PPP1R12B: variants seen among roughly 807,000 people sequenced by gnomAD.
PPP1R12B encodes the protein myosin phosphatase target subunit 2.
Under a neutral mutation model 126.1 loss-of-function variants are expected in PPP1R12B, and 76 were observed. The observed-to-expected ratio is 0.60, with a 90% CI of 0.50 to 0.73. The LOEUF (loss-of-function observed/expected upper bound fraction) is 0.73, where lower values mean the gene tolerates loss of function less well. Among genes scored for constraint, PPP1R12B ranks in the 30% least tolerant of loss-of-function variants. The pLI is 0.00. For missense variants in PPP1R12B, 1,052 were observed against 1,205.1 expected (o/e 0.87, Z 1.88); for synonymous variants, 356 against 434.7 (o/e 0.82, Z 2.25).
intron 6 of PPP1R12B, among the ~76,000 whole-genome samples, chr1:202,429,756 A>C (rs1669973738): frequency 6.6e-6 from 1 of 152,186 alleles, no homozygotes; most frequent in Non-Finnish European, 1.5e-5. Context: ...GCTGTCACTC[A>C]GGTAATGTAA....
rs1690047494 is a variant in PPP1R12B, at chr1:202,590,091, T to G, written c.*9531T>G. 6.6e-6 allele frequency: 1 copy of G among 152,200 alleles called. No individual in the cohort carries two copies. Among genetic ancestry groups the G allele is most frequent in the South Asian group, 2.1e-4 (1 of 4,832 alleles). The allele number at this position is 152,200 out of a possible 1,614,324, so 9.4% of individuals were successfully genotyped here. On this transcript the variant is annotated 3_prime_UTR_variant, in exon 24 of 24. Coordinates refer to ENST00000608999, the MANE Select transcript of PPP1R12B (RefSeq NM_002481.4). ...TATCCCTGGTCCCTAACATCTTTGC[T>G]TCAGAAGTTAAAGACATTTCAAGTT...
At chr1:202,489,275 A>T (rs1292750510) in intron 14 of PPP1R12B, among the ~76,000 whole-genome samples, 2 of 152,192 alleles carry the variant, frequency 1.3e-5, no homozygotes, top group Admixed American at 1.3e-4. Flanking sequence ...ACATCCCTAT[A>T]TCCCTACTAC....
chr1:202,437,058 A>G (rs529257999), intron 9 of PPP1R12B, among the ~76,000 whole-genome samples: 110 of 152,258 alleles, frequency 7.2e-4, no homozygotes, highest in Middle Eastern at 3.4e-3. Flanking sequence ...CTGGCAGGGC[A>G]TGGGTTCATG....
intron 20 of PPP1R12B, 38 bp downstream of exon 20, chr1:202,562,960 A>G: frequency 6.6e-7 from 1 of 1,519,298 alleles, no homozygotes. Context: ...CTTTGGTGAC[A>G]TGTAAACCTC....
intron 13 of PPP1R12B, among the ~76,000 whole-genome samples, chr1:202,467,761 A>G (rs1057293927): frequency 2.6e-5 from 4 of 152,210 alleles, no homozygotes; most frequent in Non-Finnish European, 5.9e-5. Context: ...GCTGGGTCAA[A>G]TGGTATTTCT....
At chr1:202,426,677 C>G (rs765512896) in intron 4 of PPP1R12B, among the ~76,000 whole-genome samples, 3 of 152,158 alleles carry the variant, frequency 2.0e-5, no homozygotes, top group Non-Finnish European at 4.4e-5. Flanking sequence ...TTATATGTTA[C>G]TTCTTCCCTG....
chr1:202,408,843 CTTTTTTTTTT>C lies in PPP1R12B; in HGVS notation c.292-7933_292-7924del, dbSNP rs35632865. ...TGCTTTCAATTATTATTATTTCTTT[CTTTTTTTTTT>C]TTTTTTTTTTGAGACAGGGTTTCAT... is the stretch of plus-strand genomic sequence containing the variant. On this transcript the variant is annotated intron_variant, in intron 1 of 23. Transcript: ENST00000608999. 4.2e-3 allele frequency among the ~76,000 whole-genome samples: 472 copies of C among 113,342 alleles called. 4 individuals are homozygous for C. The highest frequency in any genetic ancestry group is 0.013 in the African/African-American group (412 of 32,446). The allele number at this position is 113,342 out of a possible 152,430, so 74.4% of individuals were successfully genotyped here. A position where few individuals can be genotyped will look rare whatever the true frequency, so the allele number is the denominator to read the frequency against.
At chr1:202,366,940 C>T (rs1039405162) in intron 1 of PPP1R12B, among the ~76,000 whole-genome samples, 1 of 152,008 alleles carries the variant, frequency 6.6e-6, no homozygotes, top group Admixed American at 6.6e-5. Context: ...TTTTATGTAC[C>T]AAAACTATGG....
chr1:202,449,065 G>A lies in PPP1R12B; in HGVS notation c.1744G>A (p.Val582Met). Residue 582 changes from valine (V) to methionine (M), a missense_variant, in exon 13 of 24, where the codon GTG becomes ATG. Transcript: ENST00000608999. ...TGTCTCTTCTAGCACCCCGCTCTGTGTGATCACCAATCGCCCTCTTCCTAG... is the reference window on the plus strand; with the variant it reads ...TGTCTCTTCTAGCACCCCGCTCTGTATGATCACCAATCGCCCTCTTCCTAG... The part of the protein sequence containing the change: ...DNVSSSTPLC[V>M]ITNRPLPSTA... The A allele has an allele frequency of 3.7e-6, 6 of 1,613,898 alleles. No individual in the cohort carries two copies. Among genetic ancestry groups the A allele is most frequent in the Non-Finnish European group, 5.1e-6 (6 of 1,179,864 alleles).
At chr1:202,379,097 C>T (rs1184653817) in intron 1 of PPP1R12B, among the ~76,000 whole-genome samples, 3 of 152,070 alleles carry the variant, frequency 2.0e-5, no homozygotes, top group Non-Finnish European at 2.9e-5. Context: ...GACTTTTTTC[C>T]TGGACTCAAG....
At chr1:202,561,037 AT>A (rs1687471857) in intron 19 of PPP1R12B, among the ~76,000 whole-genome samples, 1 of 151,830 alleles carries the variant, frequency 6.6e-6, no homozygotes, top group East Asian at 1.9e-4. Context: ...AATAAAAAAA[AT>A]AAAAGCCCTA....
intron 13 of PPP1R12B, among the ~76,000 whole-genome samples, chr1:202,483,096 G>C (rs1259683153): frequency 1.3e-5 from 2 of 152,002 alleles, no homozygotes; most frequent in Non-Finnish European, 2.9e-5. Context: ...CTGTTCCATT[G>C]GTCTACGTGT....
chr1:202,498,719 G>A (rs991748349), intron 18 of PPP1R12B, among the ~76,000 whole-genome samples: 9 of 152,086 alleles, frequency 5.9e-5, no homozygotes, highest in African/African-American at 1.9e-4. Flanking sequence ...CTCTACCCCA[G>A]CTCCATTTTC....
rs1689884806 is a variant in PPP1R12B at position 202,587,447 on chromosome 1, A to G, written c.*6887A>G. 1 of 152,202 alleles carries G rather than the reference A, an allele frequency of 6.6e-6. No individual in the cohort carries two copies. The highest frequency in any genetic ancestry group is 6.5e-5 in the Admixed American group (1 of 15,286). 9.4% of individuals were successfully genotyped at this position (152,202 alleles called of 1,614,324 possible). A position where few individuals can be genotyped will look rare whatever the true frequency, so the allele number is the denominator to read the frequency against. On this transcript the variant is annotated 3_prime_UTR_variant, in exon 24 of 24. Coordinates refer to ENST00000608999, the MANE Select transcript of PPP1R12B (RefSeq NM_002481.4). ...ACTTTTAGGCCCGTATGACTCCTCC[A>G]TAGCCTGGCCAAGGAGACCATGAGT...
intron 1 of PPP1R12B, among the ~76,000 whole-genome samples, chr1:202,386,843 G>A (rs1425710715): frequency 5.9e-5 from 9 of 151,928 alleles, no homozygotes; most frequent in Non-Finnish European, 1.2e-4. Context: ...ATATATTTAG[G>A]TATATTTTCG....
intron 4 of PPP1R12B, among the ~76,000 whole-genome samples, chr1:202,426,790 T>C (rs2148650568): frequency 6.6e-6 from 1 of 152,290 alleles, no homozygotes; most frequent in South Asian, 2.1e-4. Flanking sequence ...ATACTCCCCT[T>C]GTATGGTGTA....
At position 202,587,355 on chromosome 1, in the gene PPP1R12B, C is replaced by T. The variant is rs1689878292; in HGVS notation, c.*6795C>T. The T allele has an allele frequency of 6.6e-6, 1 of 152,190 alleles. No individual in the cohort carries two copies. Among genetic ancestry groups the T allele is most frequent in the Non-Finnish European group, 1.5e-5 (1 of 68,060 alleles). The allele number at this position is 152,190 out of a possible 1,614,324, so 9.4% of individuals were successfully genotyped here. On this transcript the variant is annotated 3_prime_UTR_variant, in exon 24 of 24. Coordinates refer to ENST00000608999, the MANE Select transcript of PPP1R12B (RefSeq NM_002481.4). ...AAGTTGGGTATACCAACCACCACCA[C>T]CACCGCCCCCTATTCCAGTTTCAAA... is the stretch of plus-strand genomic sequence containing the variant.
chr1:202,588,206 C>T lies in PPP1R12B; in HGVS notation c.*7646C>T, dbSNP rs1331346040. The T allele has an allele frequency of 6.6e-6, 1 of 152,582 alleles. No individual in the cohort carries two copies. Among genetic ancestry groups the T allele is most frequent in the Non-Finnish European group, 1.5e-5 (1 of 68,030 alleles). 9.5% of individuals were successfully genotyped at this position (152,582 alleles called of 1,614,324 possible). A position where few individuals can be genotyped will look rare whatever the true frequency, so the allele number is the denominator to read the frequency against. Reference sequence around the variant, plus strand: ...CATGCCTCTCCCATTTTAGTGGTAGCATTTTGTGTCTTTACTCCACCCTTC... The same window carrying T: ...CATGCCTCTCCCATTTTAGTGGTAGTATTTTGTGTCTTTACTCCACCCTTC... On this transcript the variant is annotated 3_prime_UTR_variant, in exon 24 of 24. Transcript: ENST00000608999.
At chr1:202,374,171 G>A (rs576470954) in intron 1 of PPP1R12B, among the ~76,000 whole-genome samples, 3 of 152,132 alleles carry the variant, frequency 2.0e-5, no homozygotes, top group Non-Finnish European at 2.9e-5. Flanking sequence ...TTCCTTGAAG[G>A]CTTTTAGGTA....
Sources: gnomAD v4.1 joint callset for allele counts (sites outside exome capture counted in the v4.1 genomes callset) on GRCh38, gnomAD v4.1.1 for gene constraint, MANE v1.5 for transcripts, NCBI Gene and HGNC (gene_info 2026-07-23, HGNC 2026-07-21) for gene names.